The following SND1 variants were observed in gnomAD, a reference collection of about 807,000 sequenced individuals.
SND1 encodes the protein staphylococcal nuclease domain-containing protein 1.
A neutral mutation model predicts 121.7 loss-of-function variants in SND1; 38 were observed. The observed-to-expected ratio is 0.31, with a 90% CI of 0.24 to 0.41. The LOEUF is 0.41. Ranked by LOEUF, SND1 falls within the 10% of genes least tolerant of loss-of-function variation. The probability of loss-of-function intolerance (pLI) is 1.00; values close to 1 mark genes in which losing one functional copy is unlikely to be tolerated. For synonymous variants in SND1, 401 were observed against 447.4 expected, an observed-to-expected ratio of 0.90 and a Z score of 1.31; for missense variants, 868 against 1,184.6, an observed-to-expected ratio of 0.73 and a Z score of 3.92.
intron 16 of SND1, among the ~76,000 whole-genome samples, chr7:128,032,359 C>G (rs1792650615): frequency 6.6e-6 from 1 of 151,018 alleles, no homozygotes; most frequent in Non-Finnish European, 1.5e-5. Flanking sequence ...CCCCTCTAGA[C>G]GAGCGGAGCG....
intron 14 of SND1, chr7:127,928,331 C>T (rs1247158763): frequency 1.3e-5 from 2 of 152,156 alleles, no homozygotes; most frequent in Non-Finnish European, 2.9e-5. Flanking sequence ...GGTATCATCT[C>T]ATCCCCAAAA....
intron 3 of SND1, among the ~76,000 whole-genome samples, chr7:127,695,943 G>C (rs900012135): frequency 6.6e-6 from 1 of 152,142 alleles, no homozygotes; most frequent in African/African-American, 2.4e-5. Context: ...TTTTGGATTA[G>C]GTAGTAAGAG....
At chr7:127,945,911 G>T (rs1801318925) in intron 15 of SND1, among the ~76,000 whole-genome samples, 1 of 152,128 alleles carries the variant, frequency 6.6e-6, no homozygotes, top group African/African-American at 2.4e-5. Context: ...TAAATAAATA[G>T]CAGAGCATAT....
intron 16 of SND1, among the ~76,000 whole-genome samples, chr7:128,011,378 T>TG (rs1159156484): frequency 6.6e-6 from 1 of 152,204 alleles, no homozygotes; most frequent in East Asian, 1.9e-4. Context: ...CCTCAACTCC[T>TG]GGGGAGAGAG....
At chr7:127,983,344 T>C (rs140634084) in intron 15 of SND1, among the ~76,000 whole-genome samples, 3 of 152,280 alleles carry the variant, frequency 2.0e-5, no homozygotes, top group East Asian at 1.9e-4. Flanking sequence ...CTGTGTCTTG[T>C]CCTTGACAAT....
intron 15 of SND1, among the ~76,000 whole-genome samples, chr7:127,940,591 C>T (rs919619093): frequency 2.6e-5 from 4 of 152,210 alleles, no homozygotes; most frequent in African/African-American, 7.2e-5. Context: ...GAAACTACCT[C>T]ACAAATCTCC....
At chr7:127,658,516 G>A (rs954760393) in intron 1 of SND1, among the ~76,000 whole-genome samples, 2 of 152,184 alleles carry the variant, frequency 1.3e-5, no homozygotes, top group Non-Finnish European at 2.9e-5. Context: ...ATAGCATCTA[G>A]AACTTGCCAT....
intron 14 of SND1, among the ~76,000 whole-genome samples, chr7:127,927,768 A>G (rs1237478278): frequency 6.6e-6 from 1 of 152,226 alleles, no homozygotes; most frequent in Non-Finnish European, 1.5e-5. Context: ...GGCTGCTCTG[A>G]AAACTCTTGA....
intron 5 of SND1, among the ~76,000 whole-genome samples, chr7:127,701,845 C>T (rs1796110181): frequency 6.6e-6 from 1 of 152,170 alleles, no homozygotes; most frequent in African/African-American, 2.4e-5. Context: ...CTTACAATAC[C>T]TATTATAGTG....
intron 12 of SND1, among the ~76,000 whole-genome samples, chr7:127,856,599 T>A (rs1156841113): frequency 6.6e-6 from 1 of 152,254 alleles, no homozygotes; most frequent in Non-Finnish European, 1.5e-5. Context: ...GGAGGTGGAC[T>A]GCCTTCTATC....
chr7:128,049,760 A>G (rs1351945090), intron 16 of SND1, among the ~76,000 whole-genome samples: 1 of 152,194 alleles, frequency 6.6e-6, no homozygotes, highest in Non-Finnish European at 1.5e-5. Context: ...TGATAATATT[A>G]TGAAGAATTA....
At chr7:127,957,127 G>C (rs185800747) in intron 15 of SND1, among the ~76,000 whole-genome samples, 29 of 152,338 alleles carry the variant, frequency 1.9e-4, no homozygotes, top group Admixed American at 1.9e-3. Flanking sequence ...CTATAGTTCT[G>C]TCCCCAGGTC....
chr7:128,060,278 G>A (rs1244355342), intron 16 of SND1, among the ~76,000 whole-genome samples: 1 of 152,080 alleles, frequency 6.6e-6, no homozygotes, highest in East Asian at 1.9e-4. Context: ...ATGATATCAG[G>A]GACTGGCAGG....
At chr7:127,828,341 T>C (rs906782555) in intron 11 of SND1, among the ~76,000 whole-genome samples, 2 of 152,084 alleles carry the variant, frequency 1.3e-5, no homozygotes, top group Non-Finnish European at 2.9e-5. Context: ...TGTTCTGATA[T>C]ATATATATCA....
intron 13 of SND1, among the ~76,000 whole-genome samples, chr7:127,897,081 T>C (rs1484638102): frequency 6.6e-6 from 1 of 152,150 alleles, no homozygotes; most frequent in East Asian, 1.9e-4. Flanking sequence ...ATTCTTTACA[T>C]CTAAATTTCT....
chr7:128,004,687 G>A (rs890878962), intron 16 of SND1, among the ~76,000 whole-genome samples: 2 of 152,222 alleles, frequency 1.3e-5, no homozygotes, highest in African/African-American at 4.8e-5. Context: ...CTGAGCTAAA[G>A]ATGAAAACAG....
At chr7:127,877,385 A>G (rs1799711631) in intron 12 of SND1, among the ~76,000 whole-genome samples, 2 of 152,020 alleles carry the variant, frequency 1.3e-5, no homozygotes, top group African/African-American at 4.8e-5. Flanking sequence ...TACTGCTTCC[A>G]TGTATATTTC....
intron 16 of SND1, among the ~76,000 whole-genome samples, chr7:128,024,041 C>T (rs536593357): frequency 7.1e-6 from 1 of 140,356 alleles, no homozygotes; most frequent in African/African-American, 2.8e-5. Flanking sequence ...AGAGTCTGTG[C>T]TTGTAAGCAC....
At chr7:127,961,679 CGTT>C (rs1801733241) in intron 15 of SND1, among the ~76,000 whole-genome samples, 1 of 152,170 alleles carries the variant, frequency 6.6e-6, no homozygotes, top group South Asian at 2.1e-4. Flanking sequence ...TTTTTAGTAT[CGTT>C]GTGGGCTTAT....
Sources: gnomAD v4.1 joint callset for allele counts (sites outside exome capture counted in the v4.1 genomes callset) on GRCh38, gnomAD v4.1.1 for gene constraint, MANE v1.5 for transcripts, NCBI Gene and HGNC (gene_info 2026-07-23, HGNC 2026-07-21) for gene names.